KCNT2: variants seen among roughly 807,000 people sequenced by gnomAD.
KCNT2 encodes potassium sodium-activated channel subfamily T member 2, also known as potassium channel subfamily T member 2.
In KCNT2, 67 loss-of-function variants were observed where a neutral mutation model predicts 153.8. The ratio of observed to expected loss-of-function variants is 0.44; its 90% CI spans 0.36 to 0.53. The LOEUF is 0.53. Ranked by LOEUF, KCNT2 falls within the 20% of genes least tolerant of loss-of-function variation. The pLI is 0.00. For missense variants in KCNT2, 975 were observed against 1,354.8 expected, an observed-to-expected ratio of 0.72 and a Z score of 4.40; for synonymous variants, 500 against 458.8, an observed-to-expected ratio of 1.09 and a Z score of -1.15.
chr1:196,566,646 G>A (rs2148938151), intron 1 of KCNT2, among the ~76,000 whole-genome samples: 1 of 152,122 alleles, frequency 6.6e-6, no homozygotes, highest in East Asian at 1.9e-4. Context: ...TTTACCCATA[G>A]TTTCACAATG....
At chr1:196,283,302 G>A (rs978871821) in intron 23 of KCNT2, among the ~76,000 whole-genome samples, 6 of 152,096 alleles carry the variant, frequency 3.9e-5, no homozygotes, top group Non-Finnish European at 8.8e-5. Flanking sequence ...TTAGCTGGGC[G>A]TGGTGGCGGG....
intron 1 of KCNT2, among the ~76,000 whole-genome samples, chr1:196,607,794 C>G (rs1230560037): frequency 6.6e-6 from 1 of 152,170 alleles, no homozygotes; most frequent in Non-Finnish European, 1.5e-5. Context: ...TTTTAAGTTT[C>G]TAATGTGCTT....
chr1:196,589,998 A>AATTATACATTATACCTGTAT (rs1232586165), intron 1 of KCNT2, among the ~76,000 whole-genome samples: 1 of 152,168 alleles, frequency 6.6e-6, no homozygotes, highest in Non-Finnish European at 1.5e-5. Flanking sequence ...TGTAGAGTAC[A>AATTATACATTATACCTGTAT]ATATACATTA....
At chr1:196,354,830 A>G (rs1049119932) in intron 14 of KCNT2, among the ~76,000 whole-genome samples, 2 of 151,776 alleles carry the variant, frequency 1.3e-5, no homozygotes, top group African/African-American at 4.8e-5. Context: ...TGTTGTTTGT[A>G]TACTTCCCAG....
At chr1:196,579,764 A>G (rs1180552777) in intron 1 of KCNT2, among the ~76,000 whole-genome samples, 1 of 152,084 alleles carries the variant, frequency 6.6e-6, no homozygotes, top group Non-Finnish European at 1.5e-5. Flanking sequence ...AAGTGCGGCG[A>G]TTATGAGCAT....
At position 196,476,513 on chromosome 1, in the gene KCNT2, A is replaced by G. The variant is rs1245213669; in HGVS notation, c.384+2666T>C. 3.9e-5 allele frequency among the ~76,000 whole-genome samples: 6 copies of G among 152,076 alleles called. No individual in the cohort carries two copies. The East Asian group carries it at 1.2e-3, about 29-fold the overall frequency. The stretch of plus-strand genomic sequence containing the variant: ...AGACCCTTCTTCATTATCTTCATCT[A>G]TATTGCTTATTATTGATTTAGTACT... On this transcript the variant is annotated intron_variant, in intron 5 of 27. Transcript: ENST00000294725.
At chr1:196,524,913 AT>A (rs1192774422) in intron 1 of KCNT2, among the ~76,000 whole-genome samples, 2 of 152,168 alleles carry the variant, frequency 1.3e-5, no homozygotes, top group African/African-American at 2.4e-5. Flanking sequence ...TTTGACTTTT[AT>A]AAATACAATG....
At chr1:196,423,177 A>G in intron 11 of KCNT2, 64 bp from the exon 12 acceptor site, 1 of 1,101,408 alleles carries the variant, frequency 9.1e-7, no homozygotes. Flanking sequence ...TCTGAAAAAT[A>G]GAATTTCAGT....
chr1:196,451,217 CTTTTTTT>C (rs561944079), intron 8 of KCNT2, among the ~76,000 whole-genome samples: 1 of 63,552 alleles, frequency 1.6e-5, no homozygotes. Flanking sequence ...ATCCCTCTTT[CTTTTTTT>C]TTTTTTTTTT....
intron 1 of KCNT2, among the ~76,000 whole-genome samples, chr1:196,519,756 C>G (rs1475748147): frequency 6.6e-6 from 1 of 151,984 alleles, no homozygotes; most frequent in African/African-American, 2.4e-5. Flanking sequence ...GAAATTGATT[C>G]CCTGAACAGA....
At chr1:196,349,996 T>C (rs911825728) in intron 14 of KCNT2, among the ~76,000 whole-genome samples, 1 of 152,170 alleles carries the variant, frequency 6.6e-6, no homozygotes, top group African/African-American at 2.4e-5. Context: ...CTGAGAATGA[T>C]AATTTCCAAT....
chr1:196,337,008 C>G (rs1665102996), intron 16 of KCNT2, among the ~76,000 whole-genome samples: 1 of 152,016 alleles, frequency 6.6e-6, no homozygotes. Context: ...TTCATTTGGT[C>G]TTATGGCTTT....
intron 13 of KCNT2, among the ~76,000 whole-genome samples, chr1:196,392,136 T>C (rs989566405): frequency 6.6e-6 from 1 of 151,366 alleles, no homozygotes; most frequent in Non-Finnish European, 1.5e-5. Flanking sequence ...TAGTCAAAAG[T>C]GGCAAAATGT....
chr1:196,578,898 A>G (rs761380998), intron 1 of KCNT2, among the ~76,000 whole-genome samples: 1 of 152,128 alleles, frequency 6.6e-6, no homozygotes, highest in Non-Finnish European at 1.5e-5. Context: ...TATTATAAAG[A>G]CTTTATTTTT....
At chr1:196,268,096 G>A (rs1338565092) in intron 25 of KCNT2, among the ~76,000 whole-genome samples, 1 of 152,116 alleles carries the variant, frequency 6.6e-6, no homozygotes. Flanking sequence ...AATCATTTGA[G>A]CACTAGACAC....
chr1:196,423,316 G>T (rs540792087), intron 11 of KCNT2, among the ~76,000 whole-genome samples: 11 of 151,886 alleles, frequency 7.2e-5, no homozygotes, highest in Admixed American at 5.3e-4. Flanking sequence ...CTATTGGGTT[G>T]TCTATTATAA....
intron 1 of KCNT2, among the ~76,000 whole-genome samples, chr1:196,548,018 GA>G (rs1427678420): frequency 6.6e-6 from 1 of 151,560 alleles, no homozygotes; most frequent in Non-Finnish European, 1.5e-5. Context: ...TTGAGTAATA[GA>G]AATTTTAAGA....
rs1485771691 is a variant in KCNT2 at position 196,557,872 on chromosome 1, C to T, written c.95+50343G>A. On this transcript the variant is annotated intron_variant, in intron 1 of 27. Transcript: ENST00000294725. ...AAAAGAAATTTACTATTTTAAGGTG[C>T]GTCTTTTGTTCCAAATGAAATCAAA... Among the ~76,000 whole-genome samples, 5 of 151,324 alleles carry T rather than the reference C, an allele frequency of 3.3e-5. No homozygotes were observed. In the South Asian group the frequency reaches 6.2e-4, roughly 19 times the overall value.
intron 26 of KCNT2, among the ~76,000 whole-genome samples, chr1:196,254,044 T>G (rs77805128): frequency 1.0e-3 from 157 of 151,598 alleles, no homozygotes; most frequent in East Asian, 9.8e-3. Flanking sequence ...CTCTATAAAG[T>G]AAAACTTTAT....
Sources: allele counts gnomAD v4.1 joint callset (sites outside exome capture counted in the v4.1 genomes callset), GRCh38; gene constraint gnomAD v4.1.1; transcripts MANE v1.5; gene names NCBI Gene and HGNC (gene_info 2026-07-23, HGNC 2026-07-21).